Variants in LRRC49 observed in about 807,000 individuals in gnomAD.
LRRC49 encodes the protein leucine rich repeat containing 49, also known as leucine-rich repeat-containing protein 49.
Under a neutral mutation model 83.3 loss-of-function variants are expected in LRRC49, and 50 were observed. The ratio of observed to expected loss-of-function variants is 0.60; its 90% CI spans 0.48 to 0.76. The LOEUF is 0.76. LRRC49 is among the 30% of genes least tolerant of loss of function. The pLI, the probability that LRRC49 is intolerant of heterozygous loss-of-function variation, is 0.00. For missense variants in LRRC49, 704 were observed against 809.1 expected (o/e 0.87, Z 1.58); for synonymous variants, 286 against 283.3 (o/e 1.01, Z -0.10).
chr15:71,049,608 A>C lies in LRRC49; in HGVS notation c.2057A>C (p.Lys686Thr). The C allele has an allele frequency of 1.3e-6, 2 of 1,599,388 alleles. No individual in the cohort carries two copies. Among genetic ancestry groups the C allele is most frequent in the Non-Finnish European group, 1.7e-6 (2 of 1,175,732 alleles). The stretch of plus-strand genomic sequence containing the variant: ...TGCCTACAGCAGATAACAGACCAAA[A>C]ATAAAAATGGCCTTTAGTTACAGTT... ...KLCLQQITDQ[K>T] is the part of the protein sequence containing the mutation. The change falls in exon 16 of 16, where the codon AAA becomes ACA. Residue 686 changes from lysine (K) to threonine (T), a missense_variant. By Grantham distance (78) the Lys-to-Thr change is moderately conservative. This residue lies in a region of LRRC49 where 275 missense variants were observed against 338.0 expected (regional missense o/e 0.81). Transcript: ENST00000260382.
At chr15:70,927,296 A>T (rs922386933) in intron 7 of LRRC49, among the ~76,000 whole-genome samples, 8 of 152,032 alleles carry the variant, frequency 5.3e-5, no homozygotes, top group Non-Finnish European at 1.2e-4. Flanking sequence ...GCATCTTTTC[A>T]TCTTTTATGA....
chr15:71,004,661 AAAG>A (rs1056762236), intron 11 of LRRC49, among the ~76,000 whole-genome samples: 3 of 151,056 alleles, frequency 2.0e-5, no homozygotes, highest in African/African-American at 4.9e-5. Flanking sequence ...AAAAAAAAAA[AAAG>A]AAAGAAAGAG....
intron 14 of LRRC49, among the ~76,000 whole-genome samples, chr15:71,014,866 G>C (rs999219729): frequency 2.0e-5 from 3 of 152,048 alleles, no homozygotes; most frequent in Non-Finnish European, 1.5e-5. Flanking sequence ...GCATAACATA[G>C]TTAACACATT....
intron 7 of LRRC49, among the ~76,000 whole-genome samples, chr15:70,923,799 C>A (rs2035092364): frequency 6.6e-6 from 1 of 151,654 alleles, no homozygotes; most frequent in South Asian, 2.1e-4. Flanking sequence ...TCCCTTTTTC[C>A]TTCTCCATAT....
chr15:71,002,128 A>G (rs2038280131), intron 11 of LRRC49, among the ~76,000 whole-genome samples: 1 of 152,218 alleles, frequency 6.6e-6, no homozygotes. Context: ...CAATTTAACT[A>G]TTTCTGAACA....
At chr15:71,001,853 G>T (rs796112844) in intron 11 of LRRC49, among the ~76,000 whole-genome samples, 1 of 151,964 alleles carries the variant, frequency 6.6e-6, no homozygotes, top group Non-Finnish European at 1.5e-5. Context: ...CACCACGCCC[G>T]GTTAATTTTT....
At chr15:70,864,537 G>C (rs550254750) in intron 1 of LRRC49, among the ~76,000 whole-genome samples, 4 of 152,242 alleles carry the variant, frequency 2.6e-5, no homozygotes, top group African/African-American at 9.6e-5. Flanking sequence ...CACTCCCTCT[G>C]CTCTGGCCAT....
chr15:70,912,078 C>T (rs1240774193), intron 6 of LRRC49, among the ~76,000 whole-genome samples: 44 of 152,102 alleles, frequency 2.9e-4, no homozygotes, highest in Non-Finnish European at 1.9e-4. Context: ...AAAAGGTATA[C>T]TATATGTTGT....
At position 70,871,917 on chromosome 15, in the gene LRRC49, C is replaced by T. The variant is rs1225465136; in HGVS notation, c.-298-991C>T. On this transcript the variant is annotated intron_variant, in intron 1 of 16. Transcript: ENST00000544974. ...GGCGCTCCTTACTTCCCAGACTGGG[C>T]GGCCGGGCAGAGGGGCTCCTCACAT... is the stretch of plus-strand genomic sequence containing the variant. Among the ~76,000 whole-genome samples the T allele has an allele frequency of 1.3e-5, 2 of 149,402 alleles. 1 individual carries two copies. Among genetic ancestry groups the T allele is most frequent in the South Asian group, 4.2e-4 (2 of 4,716 alleles).
rs1226467593 is a variant in LRRC49 at position 70,911,572 on chromosome 15, G to C, written c.541G>C (p.Asp181His). ...ISNLENLKSLDVLDLHGNQIT... is the reference protein window; with the variant it reads ...ISNLENLKSLHVLDLHGNQIT... ...AAATCTGGAGAATCTAAAAAGCTTA[G>C]ATGTCTTGGATCTTCATGGAAATCA... The change falls in exon 6 of 16, where the codon GAT (aspartate) becomes CAT (histidine). Residue 181 changes from aspartate (D) to histidine (H), a missense_variant. Asp to His is a moderately conservative substitution (Grantham distance 81). Coordinates refer to ENST00000260382, the MANE Select transcript of LRRC49 (RefSeq NM_017691.5). 1.3e-5 allele frequency: 21 copies of C among 1,577,244 alleles called. No individual in the cohort carries two copies. Among genetic ancestry groups the C allele is most frequent in the Non-Finnish European group, 1.6e-5 (19 of 1,162,646 alleles).
chr15:70,991,372 G>A (rs895650576), intron 11 of LRRC49, among the ~76,000 whole-genome samples: 1 of 152,126 alleles, frequency 6.6e-6, no homozygotes, highest in Non-Finnish European at 1.5e-5. Context: ...ACAGGGGATT[G>A]GTTCCCTGCA....
intron 1 of LRRC49, among the ~76,000 whole-genome samples, chr15:70,866,091 C>T (rs1233372904): frequency 6.6e-6 from 1 of 151,162 alleles, no homozygotes; most frequent in Non-Finnish European, 1.5e-5. Context: ...TCATTGTATC[C>T]CCATAGTTCT....
chr15:70,986,543 T>A (rs932629860), intron 11 of LRRC49, among the ~76,000 whole-genome samples: 14 of 152,216 alleles, frequency 9.2e-5, no homozygotes, highest in African/African-American at 2.9e-4. Context: ...GGCTGAGACA[T>A]TGGGGTTTTC....
intron 7 of LRRC49, among the ~76,000 whole-genome samples, chr15:70,924,670 C>T (rs2141139834): frequency 6.6e-6 from 1 of 152,070 alleles, no homozygotes; most frequent in East Asian, 1.9e-4. Context: ...GATTTGCCCA[C>T]ATGCTTGTTT....
intron 7 of LRRC49, among the ~76,000 whole-genome samples, chr15:70,926,235 C>CA (rs1321484743): frequency 6.6e-6 from 1 of 152,046 alleles, no homozygotes; most frequent in Non-Finnish European, 1.5e-5. Flanking sequence ...GATATTCTTG[C>CA]AGTTTTTAAA....
chr15:70,904,555 A>C lies in LRRC49; in HGVS notation c.300A>C (p.Gln100His). The C allele has an allele frequency of 4.3e-6, 7 of 1,610,338 alleles. No homozygotes were observed. Among genetic ancestry groups the C allele is most frequent in the Non-Finnish European group, 5.9e-6 (7 of 1,177,550 alleles). Reference protein sequence around the residue: ...LYSDRLSLERQKLTVCPIING... With the variant: ...LYSDRLSLERHKLTVCPIING... ...AACTTTTTAACATTTTTTCTAGACAAAAGCTGACCGTATGTCCTATCATCA... is the reference window on the plus strand; with the variant it reads ...AACTTTTTAACATTTTTTCTAGACACAAGCTGACCGTATGTCCTATCATCA... Residue 100 changes from glutamine to histidine, a missense_variant, in exon 5 of 16, where the codon CAA (glutamine) becomes CAC (histidine). By Grantham distance (24) the Gln-to-His change is conservative. Coordinates refer to ENST00000260382, the MANE Select transcript of LRRC49 (RefSeq NM_017691.5).
At chr15:70,871,616 A>T (rs995367451) in intron 1 of LRRC49, among the ~76,000 whole-genome samples, 75 of 151,910 alleles carry the variant, frequency 4.9e-4, no homozygotes, top group Non-Finnish European at 7.7e-4. Context: ...GCTGCCGGGC[A>T]GAGACGCTCC....
At position 70,855,864 on chromosome 15, in the gene LRRC49, C is replaced by T. The variant is rs188649777; in HGVS notation, c.-299+2395C>T. 7.2e-5 allele frequency among the ~76,000 whole-genome samples: 11 copies of T among 152,334 alleles called. No individual in the cohort carries two copies. The East Asian group carries it at 2.1e-3, about 29-fold the overall frequency. On this transcript the variant is annotated intron_variant, in intron 1 of 16. Transcript: ENST00000544974. Reference sequence around the variant, plus strand: ...AGTGTCTTTTTCCAGCCAGCTGTGCCTCCCTCCAGGGCTATAGATCCTCTG... The same window carrying T: ...AGTGTCTTTTTCCAGCCAGCTGTGCTTCCCTCCAGGGCTATAGATCCTCTG...
At chr15:70,933,561 T>G (rs1363476878) in intron 7 of LRRC49, among the ~76,000 whole-genome samples, 1 of 152,216 alleles carries the variant, frequency 6.6e-6, no homozygotes, top group Non-Finnish European at 1.5e-5. Flanking sequence ...TCCGAAATAA[T>G]TTTTAGGTAA....
Sources: allele counts gnomAD v4.1 joint callset (sites outside exome capture counted in the v4.1 genomes callset), GRCh38; gene constraint gnomAD v4.1.1; regional missense constraint gnomAD v4.1.1; transcripts MANE v1.5; gene names NCBI Gene and HGNC (gene_info 2026-07-23, HGNC 2026-07-21).